PNKD: variants seen among roughly 807,000 people sequenced by gnomAD.
PNKD encodes probable thioesterase PNKD.
In PNKD, 36 loss-of-function variants were observed where a neutral mutation model predicts 45.3. That is an observed-to-expected ratio of 0.80 (90% CI 0.61 to 1.05). PNKD has a LOEUF of 1.05. Among genes scored for constraint, PNKD ranks in the 50% least tolerant of loss-of-function variants. The pLI is 0.00. For missense variants in PNKD, 511 were observed against 506.6 expected, an observed-to-expected ratio of 1.01 and a Z score of -0.08; for synonymous variants, 197 against 210.1, an observed-to-expected ratio of 0.94 and a Z score of 0.54.
chr2:218,344,631 C>A, intron 9 of PNKD, 61 bp downstream of exon 9: 1 of 1,476,240 alleles, frequency 6.8e-7, no homozygotes, highest in Non-Finnish European at 9.5e-7. Flanking sequence ...AACGGGAACC[C>A]ATCCATGCTG....
chr2:218,290,037 C>T (rs1692830300), intron 2 of PNKD: 1 of 152,156 alleles, frequency 6.6e-6, no homozygotes, highest in East Asian at 1.9e-4. Flanking sequence ...CCTAAATCAG[C>T]CCACGTGGGG....
chr2:218,294,379 C>T (rs12474454), intron 2 of PNKD, among the ~76,000 whole-genome samples: 148,552 of 152,306 alleles, frequency 0.98, 72,521 homozygotes, highest in East Asian at 1. Context: ...GGGTGGGAAA[C>T]GCAACATCAA....
intron 2 of PNKD, among the ~76,000 whole-genome samples, chr2:218,306,601 G>A (rs767666322): frequency 2.0e-5 from 3 of 152,142 alleles, no homozygotes; most frequent in Non-Finnish European, 2.9e-5. Flanking sequence ...ATTGCCCCAA[G>A]GTGCAGAGTT....
intron 2 of PNKD, chr2:218,323,193 CCCG>C: frequency 7.2e-7 from 1 of 1,387,044 alleles, no homozygotes; most frequent in Non-Finnish European, 9.3e-7. Flanking sequence ...AGGCAGGTTC[CCCG>C]CGGGGGGCCG....
At chr2:218,313,903 C>CTTTTTTTTTTTTTTTT (rs10550174) in intron 2 of PNKD, among the ~76,000 whole-genome samples, 2 of 77,718 alleles carry the variant, frequency 2.6e-5, no homozygotes, top group Non-Finnish European at 5.5e-5. Context: ...TTCTTTATTT[C>CTTTTTTTTTTTTTTTT]TTTTTTTTTT....
At chr2:218,325,179 A>G (rs1416402786) in intron 2 of PNKD, among the ~76,000 whole-genome samples, 1 of 112,100 alleles carries the variant, frequency 8.9e-6, no homozygotes, top group African/African-American at 3.5e-5. Flanking sequence ...GATTACAGGC[A>G]TGAGCCACCG....
At chr2:218,313,146 C>A (rs1269062206) in intron 2 of PNKD, among the ~76,000 whole-genome samples, 1 of 151,750 alleles carries the variant, frequency 6.6e-6, no homozygotes. Flanking sequence ...CTCTGTCGCC[C>A]AGGTTGCAGG....
At chr2:218,278,146 C>T in intron 2 of PNKD, 2 of 682,974 alleles carry the variant, frequency 2.9e-6, no homozygotes, top group East Asian at 2.7e-5. Flanking sequence ...GCAGGGACAA[C>T]ATGGGCCAAT....
intron 8 of PNKD, 22 bp from the exon 9 acceptor site, chr2:218,344,433 T>C: frequency 3.3e-6 from 5 of 1,502,350 alleles, no homozygotes; most frequent in Non-Finnish European, 4.5e-6. Flanking sequence ...GCTCTGTGTC[T>C]CACCCTCATG....
chr2:218,273,992 A>C (rs1253203676), intron 2 of PNKD, among the ~76,000 whole-genome samples: 4 of 152,208 alleles, frequency 2.6e-5, no homozygotes, highest in Non-Finnish European at 4.4e-5. Context: ...TTCCATATCC[A>C]GTGATCCAGT....
intron 2 of PNKD, among the ~76,000 whole-genome samples, chr2:218,331,232 T>C (rs1053812574): frequency 1.3e-5 from 2 of 151,950 alleles, no homozygotes; most frequent in African/African-American, 4.8e-5. Flanking sequence ...CTGGCCAACA[T>C]AGTGAAACCC....
chr2:218,310,592 CTTTT>C (rs58558174), intron 2 of PNKD, among the ~76,000 whole-genome samples: 3 of 115,764 alleles, frequency 2.6e-5, no homozygotes. Flanking sequence ...TGCTTTATTG[CTTTT>C]TTTTTTTTTT....
intron 2 of PNKD, among the ~76,000 whole-genome samples, chr2:218,331,551 A>T (rs1694319443): frequency 6.6e-6 from 1 of 151,554 alleles, no homozygotes. Flanking sequence ...GCTCACTGCA[A>T]CCTCTGCCTG....
chr2:218,280,351 G>A (rs1412583425), intron 2 of PNKD: 6 of 490,072 alleles, frequency 1.2e-5, no homozygotes, highest in African/African-American at 1.2e-4. Context: ...GTGCATCTGT[G>A]GAGGGCTCCT....
chr2:218,345,307 A>G lies in PNKD; in HGVS notation c.*326A>G. On this transcript the variant is annotated 3_prime_UTR_variant, in exon 10 of 10. Coordinates refer to ENST00000273077, the MANE Select transcript of PNKD (RefSeq NM_015488.5). ...CTACTCCTGGGACGGCAGCAAGGAC[A>G]TGGGGGCTGCTGTTAGCTTCTCCGT... 1.0e-5 allele frequency: 3 copies of G among 300,122 alleles called. No homozygotes were observed. The South Asian group carries it at 1.7e-4, about 17-fold the overall frequency. The allele number at this position is 300,122 out of a possible 1,614,324, so 18.6% of individuals were successfully genotyped here. A position where few individuals can be genotyped will look rare whatever the true frequency, so the allele number is the denominator to read the frequency against.
chr2:218,332,695 C>A (rs1195684124), intron 2 of PNKD, among the ~76,000 whole-genome samples: 1 of 151,936 alleles, frequency 6.6e-6, no homozygotes, highest in African/African-American at 2.4e-5. Context: ...ACCTTCAGCA[C>A]CCCCTCTATC....
intron 2 of PNKD, chr2:218,272,444 G>C (rs1408241263): frequency 1.2e-6 from 1 of 861,598 alleles, no homozygotes; most frequent in African/African-American, 1.7e-5. Context: ...CCAGCACAGA[G>C]GATGAATAGA....
At chr2:218,314,222 CTTT>C (rs386392656) in intron 2 of PNKD, among the ~76,000 whole-genome samples, 5 of 67,706 alleles carry the variant, frequency 7.4e-5, no homozygotes, top group African/African-American at 2.0e-4. Flanking sequence ...CGCGCCCTGG[CTTT>C]TTTTTTTTTT....
At chr2:218,341,159 G>T (rs1426790075) in intron 5 of PNKD, among the ~76,000 whole-genome samples, 1 of 152,232 alleles carries the variant, frequency 6.6e-6, no homozygotes, top group Non-Finnish European at 1.5e-5. Context: ...AGGGTTGGGA[G>T]TTCAAGCCCA....
Sources: gnomAD v4.1 joint callset for allele counts (sites outside exome capture counted in the v4.1 genomes callset) on GRCh38, gnomAD v4.1.1 for gene constraint, MANE v1.5 for transcripts, NCBI Gene and HGNC (gene_info 2026-07-23, HGNC 2026-07-21) for gene names.